The following SUGCT variants were observed in gnomAD, a reference collection of about 807,000 sequenced individuals.
SUGCT encodes the protein succinyl-CoA:glutarate-CoA transferase.
SUGCT carries 41 observed loss-of-function variants against 55.0 expected under a neutral mutation model. The observed-to-expected ratio is 0.74, with a 90% CI of 0.58 to 0.97. The LOEUF is 0.97. SUGCT is among the 50% of genes least tolerant of loss of function. The pLI is 0.00. For synonymous variants in SUGCT, 187 were observed against 200.4 expected (o/e 0.93, Z 0.56); for missense variants, 568 against 547.8 (o/e 1.04, Z -0.37).
intron 12 of SUGCT, among the ~76,000 whole-genome samples, chr7:40,662,351 C>T (rs1801371241): frequency 6.6e-6 from 1 of 152,218 alleles, no homozygotes; most frequent in Admixed American, 6.5e-5. Flanking sequence ...ATAGCCCATC[C>T]TCCCCACATA....
intron 9 of SUGCT, among the ~76,000 whole-genome samples, chr7:40,440,166 T>G (rs1347458769): frequency 3.6e-5 from 5 of 140,572 alleles, no homozygotes; most frequent in South Asian, 4.7e-4. Flanking sequence ...TTTTTTTTTT[T>G]TTTTTTTTTT....
At chr7:40,588,424 G>C (rs1189096721) in intron 12 of SUGCT, among the ~76,000 whole-genome samples, 1 of 152,038 alleles carries the variant, frequency 6.6e-6, no homozygotes, top group Non-Finnish European at 1.5e-5. Flanking sequence ...TTTAGGCAGA[G>C]AGGACCTCAA....
At chr7:40,155,380 A>T (rs924599406) in intron 1 of SUGCT, among the ~76,000 whole-genome samples, 9 of 151,374 alleles carry the variant, frequency 5.9e-5, no homozygotes, top group African/African-American at 2.2e-4. Context: ...AAAAAAAAAA[A>T]GGACAAATGA....
chr7:40,176,752 C>G (rs1011070524), intron 1 of SUGCT, among the ~76,000 whole-genome samples: 18 of 151,858 alleles, frequency 1.2e-4, no homozygotes, highest in African/African-American at 3.9e-4. Flanking sequence ...GTGGGTGGAT[C>G]ACCTGAGGTC....
intron 11 of SUGCT, among the ~76,000 whole-genome samples, chr7:40,470,769 C>CTT (rs1562800209): frequency 6.6e-6 from 1 of 152,026 alleles, no homozygotes; most frequent in Non-Finnish European, 1.5e-5. Flanking sequence ...CTCTCTCTCT[C>CTT]TCTCTCTCTC....
At chr7:40,854,969 CTTG>C (rs1362414455) in intron 13 of SUGCT, among the ~76,000 whole-genome samples, 1 of 151,486 alleles carries the variant, frequency 6.6e-6, no homozygotes, top group African/African-American at 2.4e-5. Context: ...ACAAGCTCTA[CTTG>C]TAGTTTTTAG....
At chr7:40,497,854 T>G (rs946534561) in intron 12 of SUGCT, among the ~76,000 whole-genome samples, 2 of 151,746 alleles carry the variant, frequency 1.3e-5, no homozygotes, top group Non-Finnish European at 2.9e-5. Flanking sequence ...TATTTTTAAA[T>G]AATTATATTA....
chr7:40,746,848 C>G (rs908628302), intron 12 of SUGCT, among the ~76,000 whole-genome samples: 5 of 152,220 alleles, frequency 3.3e-5, no homozygotes, highest in African/African-American at 9.7e-5. Context: ...TAAGAACACT[C>G]ACTTTTGTCT....
At chr7:40,277,987 C>T (rs7805195) in intron 8 of SUGCT, among the ~76,000 whole-genome samples, 151,289 of 152,102 alleles carry the variant, frequency 0.99, 75,242 homozygotes, top group East Asian at 1. Context: ...TGATTTCCAG[C>T]TTCATCCATG....
At chr7:40,646,829 A>G (rs1800540026) in intron 12 of SUGCT, among the ~76,000 whole-genome samples, 1 of 152,142 alleles carries the variant, frequency 6.6e-6, no homozygotes, top group Admixed American at 6.6e-5. Flanking sequence ...TTAATTCACT[A>G]AACTCGAGGA....
chr7:40,155,847 T>C (rs1783861897), intron 1 of SUGCT, among the ~76,000 whole-genome samples: 1 of 151,438 alleles, frequency 6.6e-6, no homozygotes, highest in Admixed American at 6.6e-5. Flanking sequence ...TTACTTAGGA[T>C]ACCTAAGATT....
At chr7:41,020,790 G>A in the SUGCT span, among the ~76,000 whole-genome samples, 13 of 152,068 alleles carry the variant, frequency 8.5e-5, no homozygotes, top group Non-Finnish European at 1.6e-4. Context: ...TCATAAGACC[G>A]TAACAGTTTA....
At chr7:40,250,839 T>G (rs967714671) in intron 7 of SUGCT, among the ~76,000 whole-genome samples, 3 of 115,650 alleles carry the variant, frequency 2.6e-5, no homozygotes, top group African/African-American at 8.2e-5. Flanking sequence ...TTTTTTTTTT[T>G]TTTTTTTTTT....
In SUGCT at chr7:40,648,078, A is replaced by G. The variant is rs1800611323; in HGVS notation, c.1090-101356A>G. Among the ~76,000 whole-genome samples, 4 of 152,228 alleles carry G rather than the reference A, an allele frequency of 2.6e-5. No individual in the cohort carries two copies. In the South Asian group the frequency reaches 8.3e-4, roughly 32 times the overall value. ...ACTGCTGTAATGCAAAGACTACAAA[A>G]GTCTAGAAAAGCGTTTTAACTGTAA... On this transcript the variant is annotated intron_variant, in intron 12 of 13. Transcript: ENST00000335693.
chr7:40,224,754 C>A (rs1321233510), intron 6 of SUGCT, among the ~76,000 whole-genome samples: 1 of 152,192 alleles, frequency 6.6e-6, no homozygotes, highest in African/African-American at 2.4e-5. Context: ...ACTACTGTTT[C>A]CTGTGTCCCA....
intron 12 of SUGCT, among the ~76,000 whole-genome samples, chr7:40,565,992 C>CACACACACACACACAT: frequency 1.2e-5 from 1 of 86,680 alleles, no homozygotes; most frequent in Admixed American, 1.0e-4. Context: ...CACACACACA[C>CACACACACACACACAT]GCACACACAC....
intron 9 of SUGCT, among the ~76,000 whole-genome samples, chr7:40,324,124 CAA>C (rs1425029493): frequency 3.3e-5 from 5 of 151,820 alleles, no homozygotes; most frequent in African/African-American, 1.2e-4. Context: ...CTTCCTGTCA[CAA>C]GAGAGGAAGC....
chr7:40,734,848 G>T (rs1490810455), intron 12 of SUGCT, among the ~76,000 whole-genome samples: 1 of 152,142 alleles, frequency 6.6e-6, no homozygotes, highest in Non-Finnish European at 1.5e-5. Context: ...CATTAATAAA[G>T]TAGATAGCTT....
chr7:40,691,936 A>G (rs766142124), intron 12 of SUGCT, among the ~76,000 whole-genome samples: 14 of 152,208 alleles, frequency 9.2e-5, no homozygotes, highest in Admixed American at 7.9e-4. Context: ...ACCCTTTCTC[A>G]TTGGATTCTT....
Sources: gnomAD v4.1 joint callset for allele counts (sites outside exome capture counted in the v4.1 genomes callset) on GRCh38, gnomAD v4.1.1 for gene constraint, MANE v1.5 for transcripts, NCBI Gene and HGNC (gene_info 2026-07-23, HGNC 2026-07-21) for gene names.